The following ARL6IP6 variants were observed in gnomAD, a reference collection of about 807,000 sequenced individuals.
ARL6IP6 encodes the protein ARF like GTPase 6 interacting protein 6, also known as ADP-ribosylation factor-like protein 6-interacting protein 6.
ARL6IP6 carries 22 observed loss-of-function variants against 21.5 expected under a neutral mutation model. The observed-to-expected ratio is 1.02, with a 90% CI of 0.73 to 1.46. The LOEUF (loss-of-function observed/expected upper bound fraction) is 1.46, where lower values mean the gene tolerates loss of function less well. ARL6IP6 is among the 40% of genes most tolerant of loss of function. The pLI is 0.00. For synonymous variants in ARL6IP6, 164 were observed against 125.3 expected (o/e 1.31, Z -2.06); for missense variants, 388 against 299.8 (o/e 1.29, Z -2.17).
In ARL6IP6 at chr2:152,735,124, C is replaced by G. The variant is rs1314744148; in HGVS notation, c.585C>G (p.Phe195Leu). 5 of 1,613,500 alleles carry G rather than the reference C, an allele frequency of 3.1e-6. No individual in the cohort carries two copies. Among genetic ancestry groups the G allele is most frequent in the South Asian group, 1.1e-5 (1 of 91,070 alleles). The part of the protein sequence containing the change: ...FPPTPLSPAR[F>L]KKLTGHSFHM... ...CTACTCCTCTTTCACCTGCCAGGTT[C>G]AAGTAAGTATTCCTGTTTCCTGTTT... Residue 195 changes from phenylalanine (F) to leucine (L), a missense_variant and splice_region_variant, in exon 3 of 4, where the codon TTC becomes TTG. Transcript: ENST00000326446.
intron 2 of ARL6IP6, among the ~76,000 whole-genome samples, chr2:152,724,111 A>C (rs2105093246): frequency 9.7e-6 from 1 of 103,588 alleles, no homozygotes; most frequent in African/African-American, 9.6e-5. Context: ...ACTAAGGCCA[A>C]AAAAAAAAAA....
intron 3 of ARL6IP6, among the ~76,000 whole-genome samples, chr2:152,752,972 A>G (rs1424986358): frequency 6.6e-6 from 1 of 151,834 alleles, no homozygotes; most frequent in East Asian, 1.9e-4. Context: ...GGAGGTTAGC[A>G]CAGATTGGCC....
At chr2:152,746,263 G>A (rs1056134850) in intron 3 of ARL6IP6, among the ~76,000 whole-genome samples, 1 of 152,152 alleles carries the variant, frequency 6.6e-6, no homozygotes, top group African/African-American at 2.4e-5. Flanking sequence ...CTGGGTTCAA[G>A]TGATCCACCT....
At chr2:152,729,512 AC>A (rs1347639298) in intron 2 of ARL6IP6, among the ~76,000 whole-genome samples, 1 of 152,196 alleles carries the variant, frequency 6.6e-6, no homozygotes, top group Non-Finnish European at 1.5e-5. Context: ...GTACAACTGT[AC>A]CCTTAAATAC....
At chr2:152,720,748 C>T (rs765311483) in intron 2 of ARL6IP6, among the ~76,000 whole-genome samples, 162 bp downstream of exon 2, 1 of 152,060 alleles carries the variant, frequency 6.6e-6, no homozygotes, top group Non-Finnish European at 1.5e-5. Context: ...TATTAGATTT[C>T]CTTTATATGT....
chr2:152,728,701 A>G (rs1574024690), intron 2 of ARL6IP6, among the ~76,000 whole-genome samples: 1 of 152,332 alleles, frequency 6.6e-6, no homozygotes, highest in East Asian at 1.9e-4. Context: ...ATTCCTACCC[A>G]TCCCTGTTTT....
chr2:152,757,301 G>A (rs894046166), intron 3 of ARL6IP6, among the ~76,000 whole-genome samples: 22 of 152,128 alleles, frequency 1.4e-4, no homozygotes, highest in African/African-American at 5.3e-4. Context: ...TATGTGGTTG[G>A]TGAGTATATG....
At chr2:152,719,856 T>A in intron 1 of ARL6IP6, 1 of 461,958 alleles carries the variant, frequency 2.2e-6, no homozygotes, top group Non-Finnish European at 4.5e-6. Flanking sequence ...TATAATTAAA[T>A]CTATTTAACT....
At chr2:152,733,592 C>T (rs1313205719) in intron 2 of ARL6IP6, among the ~76,000 whole-genome samples, 3 of 152,042 alleles carry the variant, frequency 2.0e-5, no homozygotes, top group Non-Finnish European at 4.4e-5. Flanking sequence ...CAGTACACAC[C>T]GTTTTAGGTA....
At chr2:152,729,570 TAAA>T (rs372447284) in intron 2 of ARL6IP6, among the ~76,000 whole-genome samples, 1,828 of 151,252 alleles carry the variant, frequency 0.012, 40 homozygotes, top group African/African-American at 0.041. Context: ...AAGCTAGAAT[TAAA>T]AAAAAACACA....
Position 152,720,328 on chromosome 2 carries a change from G to A in ARL6IP6, c.401-205G>A, listed in dbSNP as rs113373178. The A allele has an allele frequency of 2.0e-3, 1,202 of 605,694 alleles. 7 individuals are homozygous for A. The highest frequency in any genetic ancestry group is 0.02 in the African/African-American group (1,072 of 54,174). 37.5% of individuals were successfully genotyped at this position (605,694 alleles called of 1,614,324 possible). The stretch of plus-strand genomic sequence containing the variant: ...AAACAGTACTCTCATCCTATGTACG[G>A]TATATAGCTGTTGGCTCCCTTAGTG... On this transcript the variant is annotated intron_variant, in intron 1 of 3. Coordinates refer to ENST00000326446, the MANE Select transcript of ARL6IP6 (RefSeq NM_152522.7).
intron 3 of ARL6IP6, among the ~76,000 whole-genome samples, chr2:152,738,331 A>G (rs921870129): frequency 3.9e-5 from 6 of 152,122 alleles, no homozygotes; most frequent in Admixed American, 3.3e-4. Flanking sequence ...CAGTGGATCT[A>G]CTGTTCTGAT....
At chr2:152,722,563 A>G (rs898952928) in intron 2 of ARL6IP6, among the ~76,000 whole-genome samples, 1 of 152,218 alleles carries the variant, frequency 6.6e-6, no homozygotes, top group African/African-American at 2.4e-5. Flanking sequence ...ATTCTTAAAA[A>G]TCTGTTTCAG....
At chr2:152,750,488 A>AAAG (rs1701275622) in intron 3 of ARL6IP6, among the ~76,000 whole-genome samples, 1 of 150,006 alleles carries the variant, frequency 6.7e-6, no homozygotes. Context: ...AAAAAAAAAA[A>AAAG]AGAGAGAGAG....
At chr2:152,729,330 T>TTGTGTGTGTGTG (rs1460387959) in intron 2 of ARL6IP6, among the ~76,000 whole-genome samples, 1 of 57,470 alleles carries the variant, frequency 1.7e-5, no homozygotes, top group African/African-American at 6.9e-5. Context: ...GAGCCAGACT[T>TTGTGTGTGTGTG]TGTCTGTGTG....
chr2:152,736,086 C>T (rs1411806692), intron 3 of ARL6IP6, among the ~76,000 whole-genome samples: 1 of 151,872 alleles, frequency 6.6e-6, no homozygotes, highest in African/African-American at 2.4e-5. Flanking sequence ...GTGTTTTAAT[C>T]CCTATGTGTA....
At chr2:152,744,550 TG>T (rs1700961407) in intron 3 of ARL6IP6, among the ~76,000 whole-genome samples, 1 of 151,896 alleles carries the variant, frequency 6.6e-6, no homozygotes, top group Non-Finnish European at 1.5e-5. Flanking sequence ...AGGTAAAGAG[TG>T]GTGTCTTTTT....
chr2:152,751,389 T>C (rs1701323805), intron 3 of ARL6IP6, among the ~76,000 whole-genome samples: 1 of 152,180 alleles, frequency 6.6e-6, no homozygotes, highest in African/African-American at 2.4e-5. Flanking sequence ...AAATACGCAA[T>C]AAGTTACTGT....
chr2:152,734,189 A>G (rs778460295), intron 2 of ARL6IP6, among the ~76,000 whole-genome samples: 1 of 152,162 alleles, frequency 6.6e-6, no homozygotes, highest in Non-Finnish European at 1.5e-5. Context: ...GTTTTTCCTT[A>G]AGTCCATTAT....
Sources: allele counts gnomAD v4.1 joint callset (sites outside exome capture counted in the v4.1 genomes callset), GRCh38; gene constraint gnomAD v4.1.1; transcripts MANE v1.5; gene names NCBI Gene and HGNC (gene_info 2026-07-23, HGNC 2026-07-21).